Variants in JAKMIP3 observed in about 807,000 individuals in gnomAD.
JAKMIP3 encodes the protein Janus kinase and microtubule interacting protein 3.
In JAKMIP3, 58 loss-of-function variants were observed where a neutral mutation model predicts 118.5. That is an observed-to-expected ratio of 0.49 (90% CI 0.40 to 0.61). The LOEUF (loss-of-function observed/expected upper bound fraction) is 0.61, where lower values mean the gene tolerates loss of function less well. JAKMIP3 is among the 20% of genes least tolerant of loss of function. The pLI, the probability that JAKMIP3 is intolerant of heterozygous loss-of-function variation, is 0.00. For missense variants in JAKMIP3, 950 were observed against 1,109.0 expected (o/e 0.86, Z 2.04); for synonymous variants, 486 against 451.2 (o/e 1.08, Z -0.98).
At chr10:132,122,482 C>T (rs1369620396) in intron 3 of JAKMIP3, among the ~76,000 whole-genome samples, 1 of 152,262 alleles carries the variant, frequency 6.6e-6, no homozygotes, top group Non-Finnish European at 1.5e-5. Context: ...ACTGGAGGGG[C>T]CACACAGCAG....
At chr10:132,109,494 G>T (rs1000143664) in intron 2 of JAKMIP3, among the ~76,000 whole-genome samples, 6 of 152,242 alleles carry the variant, frequency 3.9e-5, no homozygotes, top group African/African-American at 1.4e-4. Context: ...CCGCAGAGAG[G>T]TGTGGGTCCC....
intron 3 of JAKMIP3, among the ~76,000 whole-genome samples, chr10:132,125,772 T>C (rs2049430691): frequency 6.6e-6 from 1 of 152,238 alleles, no homozygotes; most frequent in Non-Finnish European, 1.5e-5. Context: ...AATATTACTT[T>C]CCAATTATTT....
chr10:132,084,416 A>G (rs2042136112), intron 1 of JAKMIP3, among the ~76,000 whole-genome samples: 2 of 152,182 alleles, frequency 1.3e-5, no homozygotes, highest in South Asian at 2.1e-4. Context: ...GAATTATTTT[A>G]TCAGTTCTAG....
chr10:132,037,460 G>A (rs1373285100), intron 1 of JAKMIP3, among the ~76,000 whole-genome samples: 1 of 152,134 alleles, frequency 6.6e-6, no homozygotes, highest in Non-Finnish European at 1.5e-5. Flanking sequence ...TAGGAAATCC[G>A]TTGTCATGGA....
At chr10:132,084,712 G>T (rs1296249949) in intron 1 of JAKMIP3, among the ~76,000 whole-genome samples, 1 of 152,156 alleles carries the variant, frequency 6.6e-6, no homozygotes, top group Non-Finnish European at 1.5e-5. Flanking sequence ...CTATGGGTTT[G>T]TCATAGATGG....
In JAKMIP3 at chr10:132,141,902, G is replaced by T; in HGVS notation, c.1474-18G>T. 6.3e-7 allele frequency: 1 copy of T among 1,586,932 alleles called. No homozygotes were observed. The highest frequency in any genetic ancestry group is 8.6e-7 in the Non-Finnish European group (1 of 1,167,566). On this transcript the variant is annotated intron_variant, in intron 10 of 23. Transcript: ENST00000684848. ...GACACTGTGTCTCTGTGCGTGTGTGGCATCCGTGTCTCTCCAGGGCATGGC... is the reference window on the plus strand; with the variant it reads ...GACACTGTGTCTCTGTGCGTGTGTGTCATCCGTGTCTCTCCAGGGCATGGC...
chr10:132,074,381 T>C (rs1402895012), intron 1 of JAKMIP3, among the ~76,000 whole-genome samples: 5 of 152,206 alleles, frequency 3.3e-5, no homozygotes, highest in Non-Finnish European at 7.3e-5. Flanking sequence ...TAATAGCTAT[T>C]CTGACTGGTG....
chr10:132,180,748 CGCGCGT>C (rs1451755001), intron 23 of JAKMIP3, among the ~76,000 whole-genome samples: 118 of 8,314 alleles, frequency 0.014, 27 homozygotes, highest in African/African-American at 0.069. Flanking sequence ...CGTGCGTGCG[CGCGCGT>C]GTGTGCGTGT....
rs78872755 is a variant in JAKMIP3 at position 132,112,238 on chromosome 10, C to T, written c.136-4839C>T. Among the ~76,000 whole-genome samples, 27 of 152,082 alleles carry T rather than the reference C, an allele frequency of 1.8e-4. No homozygotes were observed. In the East Asian group the frequency reaches 4.1e-3, roughly 23 times the overall value. ...CGGGGGCTGACATTTGGGTGGTGAG[C>T]ACAGGTGCCTGCTGTCCCGCGGGGC... On this transcript the variant is annotated intron_variant, in intron 2 of 23. Transcript: ENST00000684848. The surrounding 1 kb of genome is among the most constrained non-coding windows in gnomAD (Gnocchi z 4.3).
chr10:132,062,732 C>CT (rs1292382432), upstream of JAKMIP3, among the ~76,000 whole-genome samples: 1 of 152,324 alleles, frequency 6.6e-6, no homozygotes, highest in East Asian at 1.9e-4. Context: ...AGGTCTCAGT[C>CT]ATGAGACAGA....
At chr10:132,099,172 C>T (rs1306815685) in intron 1 of JAKMIP3, among the ~76,000 whole-genome samples, 1 of 152,108 alleles carries the variant, frequency 6.6e-6, no homozygotes. Context: ...AGGCTCAACA[C>T]TGAGTAAACA....
At chr10:132,067,750 GTGGGCTTCCGTGTGGACTC>G (rs1314521013) in intron 1 of JAKMIP3, among the ~76,000 whole-genome samples, 22 of 145,408 alleles carry the variant, frequency 1.5e-4, no homozygotes, top group Admixed American at 6.9e-4. Context: ...GGACTGGACT[GTGGGCTTCCGTGTGGACTC>G]TGGGCTTCCG....
intron 19 of JAKMIP3, among the ~76,000 whole-genome samples, chr10:132,158,324 C>T (rs910247970): frequency 1.3e-5 from 2 of 152,130 alleles, no homozygotes; most frequent in Non-Finnish European, 2.9e-5. Context: ...GGGCCCTGGC[C>T]CAGAGCAACT....
chr10:132,180,985 GTA>G (rs1235310229), intron 23 of JAKMIP3, among the ~76,000 whole-genome samples: 2 of 148,874 alleles, frequency 1.3e-5, no homozygotes, highest in African/African-American at 4.9e-5. Context: ...GCATGTGTGT[GTA>G]GTGTATTGTG....
At chr10:132,172,366 G>A (rs1341470581) in intron 23 of JAKMIP3, among the ~76,000 whole-genome samples, 1 of 152,072 alleles carries the variant, frequency 6.6e-6, no homozygotes, top group African/African-American at 2.4e-5. Context: ...TCTCCACTGA[G>A]AAGGAGTCCT....
intron 1 of JAKMIP3, among the ~76,000 whole-genome samples, chr10:132,104,254 CTG>C (rs1245886936): frequency 6.6e-6 from 1 of 152,158 alleles, no homozygotes; most frequent in Non-Finnish European, 1.5e-5. Context: ...TTGTGGGTCT[CTG>C]TGGAGGAGCC....
At chr10:132,150,814 A>G (rs138522719) in intron 16 of JAKMIP3, among the ~76,000 whole-genome samples, 3 of 147,588 alleles carry the variant, frequency 2.0e-5, no homozygotes, top group Admixed American at 2.0e-4. Flanking sequence ...TCCATAATCC[A>G]TCTATCTGTC....
At chr10:132,050,705 T>C (rs2038073345) in intron 1 of JAKMIP3, among the ~76,000 whole-genome samples, 1 of 152,228 alleles carries the variant, frequency 6.6e-6, no homozygotes, top group Non-Finnish European at 1.5e-5. Context: ...AGGCACATTT[T>C]TTCATTTTTT....
intron 2 of JAKMIP3, among the ~76,000 whole-genome samples, chr10:132,111,355 C>CA (rs978296267): frequency 4.6e-5 from 7 of 151,504 alleles, no homozygotes; most frequent in Admixed American, 1.3e-4. Context: ...AGAGACCCCC[C>CA]CCATGAGCAC....
Sources: allele counts gnomAD v4.1 joint callset (sites outside exome capture counted in the v4.1 genomes callset), GRCh38; gene constraint gnomAD v4.1.1; non-coding constraint Gnocchi (gnomAD v3.1); transcripts MANE v1.5; gene names NCBI Gene and HGNC (gene_info 2026-07-23, HGNC 2026-07-21).